The following MACROD2 variants were observed in gnomAD, a reference collection of about 807,000 sequenced individuals.
MACROD2 encodes mono-ADP ribosylhydrolase 2.
Under a neutral mutation model 70.4 loss-of-function variants are expected in MACROD2, and 36 were observed. The observed-to-expected ratio is 0.51, with a 90% CI of 0.39 to 0.68. The LOEUF (loss-of-function observed/expected upper bound fraction) is 0.68, where lower values mean the gene tolerates loss of function less well. Ranked by LOEUF, MACROD2 falls within the 30% of genes least tolerant of loss-of-function variation. The probability of loss-of-function intolerance (pLI) is 0.00; values close to 1 mark genes in which losing one functional copy is unlikely to be tolerated. For missense variants in MACROD2, 496 were observed against 538.4 expected, an observed-to-expected ratio of 0.92 and a Z score of 0.78; for synonymous variants, 172 against 178.8, an observed-to-expected ratio of 0.96 and a Z score of 0.30.
intron 7 of MACROD2, among the ~76,000 whole-genome samples, chr20:15,463,612 G>A (rs1294147655): frequency 6.6e-6 from 1 of 152,044 alleles, no homozygotes; most frequent in Non-Finnish European, 1.5e-5. Flanking sequence ...AGCTGGGTGT[G>A]GTGGTGCAGG....
intron 4 of MACROD2, among the ~76,000 whole-genome samples, chr20:14,652,483 G>A (rs1206446737): frequency 6.6e-6 from 1 of 152,190 alleles, no homozygotes; most frequent in South Asian, 2.1e-4. Flanking sequence ...AAAACAGTAT[G>A]AGATTGACTA....
intron 5 of MACROD2, among the ~76,000 whole-genome samples, chr20:14,724,501 T>C (rs2071505568): frequency 6.6e-6 from 1 of 152,162 alleles, no homozygotes. Context: ...TAAATGTGCA[T>C]GAAAAAGCAG....
At chr20:15,648,995 G>A (rs1455748256) in intron 8 of MACROD2, among the ~76,000 whole-genome samples, 2 of 151,840 alleles carry the variant, frequency 1.3e-5, no homozygotes, top group East Asian at 3.9e-4. Flanking sequence ...CCTCAGAATA[G>A]CTTGTTTTAG....
intron 6 of MACROD2, among the ~76,000 whole-genome samples, chr20:15,313,179 T>G (rs2077771695): frequency 6.6e-6 from 1 of 152,092 alleles, no homozygotes; most frequent in South Asian, 2.1e-4. Flanking sequence ...TTCAAAAGTT[T>G]TCACTGAAAA....
At chr20:14,097,691 T>C (rs372384770) in intron 3 of MACROD2, among the ~76,000 whole-genome samples, 1 of 152,224 alleles carries the variant, frequency 6.6e-6, no homozygotes, top group Non-Finnish European at 1.5e-5. Flanking sequence ...GAATATTTCT[T>C]ATCCAAAGGG....
intron 2 of MACROD2, among the ~76,000 whole-genome samples, chr20:14,076,909 AAACATGCACT>A (rs1412569959): frequency 6.6e-6 from 1 of 152,206 alleles, no homozygotes; most frequent in Non-Finnish European, 1.5e-5. Context: ...CTGTACAAGT[AAACATGCACT>A]AACATTGAAT....
chr20:14,144,214 G>C (rs1264260644), intron 3 of MACROD2, among the ~76,000 whole-genome samples: 3 of 152,044 alleles, frequency 2.0e-5, no homozygotes, highest in Non-Finnish European at 4.4e-5. Flanking sequence ...CTAAAGAAAA[G>C]CAAAAACTTT....
At chr20:14,742,892 A>G (rs981050918) in intron 5 of MACROD2, among the ~76,000 whole-genome samples, 1 of 150,638 alleles carries the variant, frequency 6.6e-6, no homozygotes, top group African/African-American at 2.4e-5. Context: ...TCAGCCTCCC[A>G]AGTAGCTGGG....
In MACROD2 at chr20:15,933,286, T is replaced by C; in HGVS notation, c.786T>C (p.Gly262=). Residue 262 remains glycine, a synonymous_variant, in exon 11 of 18, where the codon GGT becomes GGC. Coordinates refer to ENST00000684519, the MANE Select transcript of MACROD2 (RefSeq NM_001351661.2). Reference sequence around the variant, plus strand: ...TGGTTTTCTTGAAAGATGAGAACGGTCCAGAGGAGAAGCAAAGTGTGGAAG... The same window carrying C: ...TGGTTTTCTTGAAAGATGAGAACGGCCCAGAGGAGAAGCAAAGTGTGGAAG... ...VEMKEDSDEN[G]PEEKQSVEEM... The C allele has an allele frequency of 6.2e-7, 1 of 1,613,242 alleles. No individual in the cohort carries two copies. The highest frequency in any genetic ancestry group is 8.5e-7 in the Non-Finnish European group (1 of 1,179,516).
chr20:14,546,207 T>C (rs1002626462), intron 4 of MACROD2, among the ~76,000 whole-genome samples: 4 of 152,180 alleles, frequency 2.6e-5, no homozygotes, highest in Non-Finnish European at 4.4e-5. Context: ...TAAAAATTTG[T>C]TGCAAATGGA....
At chr20:15,788,063 C>G (rs1232695440) in intron 8 of MACROD2, among the ~76,000 whole-genome samples, 2 of 152,078 alleles carry the variant, frequency 1.3e-5, no homozygotes, top group Non-Finnish European at 2.9e-5. Context: ...TTTCCATATC[C>G]ACAGGCAGCT....
intron 4 of MACROD2, among the ~76,000 whole-genome samples, chr20:14,547,844 G>T (rs1274661623): frequency 6.6e-6 from 1 of 152,088 alleles, no homozygotes; most frequent in Non-Finnish European, 1.5e-5. Flanking sequence ...TTTCCAAAAT[G>T]GCTTCTCTTT....
At chr20:14,019,340 T>C (rs1393541589) in intron 2 of MACROD2, among the ~76,000 whole-genome samples, 5 of 152,152 alleles carry the variant, frequency 3.3e-5, no homozygotes, top group African/African-American at 1.2e-4. Flanking sequence ...GGCGCAATCT[T>C]GGCTTACTGC....
intron 8 of MACROD2, among the ~76,000 whole-genome samples, chr20:15,689,506 G>A (rs2146875223): frequency 6.6e-6 from 1 of 152,278 alleles, no homozygotes; most frequent in Admixed American, 6.5e-5. Flanking sequence ...AAGATCTGAA[G>A]GAGAAGGTTA....
intron 7 of MACROD2, among the ~76,000 whole-genome samples, chr20:15,479,509 G>A (rs1035861467): frequency 1.4e-4 from 21 of 151,980 alleles, no homozygotes; most frequent in African/African-American, 3.9e-4. Context: ...TCCTGACCTC[G>A]TGATCCGCCC....
intron 8 of MACROD2, among the ~76,000 whole-genome samples, chr20:15,514,754 AGT>A (rs995748064): frequency 1.3e-5 from 2 of 152,244 alleles, no homozygotes; most frequent in Non-Finnish European, 2.9e-5. Flanking sequence ...GCTATGTTAT[AGT>A]CATAATTATT....
chr20:14,480,603 T>G (rs1473395611), intron 3 of MACROD2, among the ~76,000 whole-genome samples: 5 of 152,208 alleles, frequency 3.3e-5, no homozygotes, highest in Non-Finnish European at 7.4e-5. Flanking sequence ...CCAATGATAA[T>G]ACTTCTGTCT....
chr20:14,322,175 A>AATATATATATATATATATATAT (rs374464781), intron 3 of MACROD2, among the ~76,000 whole-genome samples: 1,896 of 65,240 alleles, frequency 0.029, 220 homozygotes, highest in Non-Finnish European at 0.04. Flanking sequence ...ATTCTATTGA[A>AATATATATATATATATATATAT]ATATATATAT....
intron 4 of MACROD2, among the ~76,000 whole-genome samples, chr20:14,667,445 G>T (rs2070747905): frequency 6.6e-6 from 1 of 152,128 alleles, no homozygotes; most frequent in Non-Finnish European, 1.5e-5. Flanking sequence ...CCTTATTTTG[G>T]CTGTAAATTT....
Sources: allele counts gnomAD v4.1 joint callset (sites outside exome capture counted in the v4.1 genomes callset), GRCh38; gene constraint gnomAD v4.1.1; transcripts MANE v1.5; gene names NCBI Gene and HGNC (gene_info 2026-07-23, HGNC 2026-07-21).